The following MSRB3 variants were observed in gnomAD, a reference collection of about 807,000 sequenced individuals.
MSRB3 encodes methionine sulfoxide reductase B3.
In MSRB3, 13 loss-of-function variants were observed where a neutral mutation model predicts 21.0. The observed-to-expected ratio is 0.62, with a 90% CI of 0.40 to 0.98. MSRB3 has a LOEUF of 0.98. MSRB3 is among the 50% of genes least tolerant of loss of function. MSRB3 has a pLI of 0.00. For missense variants in MSRB3, 199 were observed against 230.3 expected (o/e 0.86, Z 0.88); for synonymous variants, 87 against 88.6 (o/e 0.98, Z 0.10).
chr12:65,381,003 A>G (rs1478756275), intron 5 of MSRB3, among the ~76,000 whole-genome samples: 1 of 152,172 alleles, frequency 6.6e-6, no homozygotes, highest in Non-Finnish European at 1.5e-5. Flanking sequence ...CCCTCCAAGT[A>G]GTTACTCGGA....
chr12:65,452,653 GC>G (rs1882906700), intron 5 of MSRB3, among the ~76,000 whole-genome samples: 1 of 152,122 alleles, frequency 6.6e-6, no homozygotes, highest in Non-Finnish European at 1.5e-5. Context: ...CTATACTCTT[GC>G]ATCGTGGAGG....
intron 5 of MSRB3, among the ~76,000 whole-genome samples, chr12:65,431,499 G>A (rs1565889211): frequency 6.6e-6 from 1 of 151,878 alleles, no homozygotes; most frequent in Non-Finnish European, 1.5e-5. Flanking sequence ...TCACTCGTTT[G>A]GTATAAAGGA....
chr12:65,346,659 C>A (rs1192969340), intron 4 of MSRB3, among the ~76,000 whole-genome samples: 1 of 152,058 alleles, frequency 6.6e-6, no homozygotes, highest in African/African-American at 2.4e-5. Flanking sequence ...AAGTCCTTGC[C>A]CATGCCTATG....
chr12:65,335,879 TA>T (rs751371844), intron 4 of MSRB3, among the ~76,000 whole-genome samples: 1 of 152,240 alleles, frequency 6.6e-6, no homozygotes, highest in Non-Finnish European at 1.5e-5. Flanking sequence ...ACTTGAATTT[TA>T]AAAGATTTGA....
intron 1 of MSRB3, among the ~76,000 whole-genome samples, chr12:65,290,002 CAT>C (rs1872585310): frequency 1.3e-5 from 2 of 151,938 alleles, no homozygotes; most frequent in Non-Finnish European, 2.9e-5. Context: ...ATTTATTATC[CAT>C]ATGTTTTTCT....
chr12:65,453,881 C>A, intron 6 of MSRB3, 56 bp downstream of exon 6: 4 of 1,402,890 alleles, frequency 2.9e-6, no homozygotes, highest in Non-Finnish European at 4.0e-6. Context: ...CCTGGTTGTG[C>A]TAAATATAGC....
intron 2 of MSRB3, among the ~76,000 whole-genome samples, chr12:65,311,663 C>T (rs1873994845): frequency 6.6e-6 from 1 of 152,058 alleles, no homozygotes. Context: ...AGTTTGAAGT[C>T]TTGCTTTAAT....
chr12:65,455,954 C>T (rs1883071255), intron 6 of MSRB3, among the ~76,000 whole-genome samples: 1 of 152,102 alleles, frequency 6.6e-6, no homozygotes, highest in Non-Finnish European at 1.5e-5. Context: ...CCCCACTGGT[C>T]TTGAACTCCC....
At position 65,463,197 on chromosome 12, in the gene MSRB3, C is replaced by G. The variant is rs552175724; in HGVS notation, c.433C>G (p.Pro145Ala). 3 of 1,614,076 alleles carry G rather than the reference C, an allele frequency of 1.9e-6. No individual in the cohort carries two copies. The change falls in exon 7 of 7, where the codon CCA (proline) becomes GCA (alanine). Residue 145 changes from proline (P) to alanine (A), a missense_variant. Transcript: ENST00000308259. Reference sequence around the variant, plus strand: ...GCACATTTTTGATGATGGGCCTCGTCCAACTGGGAAAAGATACTGCATAAA... The same window carrying G: ...GCACATTTTTGATGATGGGCCTCGTGCAACTGGGAAAAGATACTGCATAAA... The part of the protein sequence containing the change: ...LGHIFDDGPR[P>A]TGKRYCINSA...
At position 65,338,115 on chromosome 12, in the gene MSRB3, AG is replaced by A. The variant is rs529754207; in HGVS notation, c.263+9513del. 1.4e-4 allele frequency among the ~76,000 whole-genome samples: 21 copies of A among 152,344 alleles called. 1 individual carries two copies. In the East Asian group the frequency reaches 4.0e-3, roughly 29 times the overall value. ...CTGAAAATGATTCAAGTTGACACTA[AG>A]ATGGCGGAAATGTAAATAGATACTT... On this transcript the variant is annotated intron_variant, in intron 4 of 6. Coordinates refer to ENST00000308259, the MANE Select transcript of MSRB3 (RefSeq NM_001031679.3).
intron 4 of MSRB3, among the ~76,000 whole-genome samples, chr12:65,360,713 A>G (rs1449104581): frequency 2.5e-4 from 38 of 152,208 alleles, no homozygotes; most frequent in South Asian, 8.3e-4. Flanking sequence ...TCAGTAACTT[A>G]ATTTCACTAA....
chr12:65,372,632 TC>T (rs1878388878), intron 5 of MSRB3, among the ~76,000 whole-genome samples: 1 of 152,202 alleles, frequency 6.6e-6, no homozygotes, highest in Admixed American at 6.5e-5. Flanking sequence ...TCTCCCCACC[TC>T]CCAAGAAGGG....
chr12:65,442,968 T>G, intron 5 of MSRB3, among the ~76,000 whole-genome samples: 1 of 152,184 alleles, frequency 6.6e-6, no homozygotes, highest in Middle Eastern at 3.4e-3. Context: ...GTTGAAATGG[T>G]TTGAGTTCAG....
At chr12:65,383,628 A>G (rs1879055398) in intron 5 of MSRB3, among the ~76,000 whole-genome samples, 1 of 151,808 alleles carries the variant, frequency 6.6e-6, no homozygotes, top group Non-Finnish European at 1.5e-5. Context: ...AGGAAATCAC[A>G]TAAATGAACA....
At chr12:65,397,876 G>T (rs963794735) in intron 5 of MSRB3, among the ~76,000 whole-genome samples, 5 of 152,108 alleles carry the variant, frequency 3.3e-5, no homozygotes, top group African/African-American at 1.2e-4. Context: ...TTCTGTTCCT[G>T]TGTTAGTTTG....
At chr12:65,350,830 CAA>C (rs1433315135) in intron 4 of MSRB3, among the ~76,000 whole-genome samples, 1 of 144,252 alleles carries the variant, frequency 6.9e-6, no homozygotes, top group Admixed American at 6.9e-5. Flanking sequence ...GAGTGACCTA[CAA>C]AGAGACTTAG....
chr12:65,356,327 CG>C (rs1304509492), intron 4 of MSRB3, among the ~76,000 whole-genome samples: 1 of 151,616 alleles, frequency 6.6e-6, no homozygotes, highest in Non-Finnish European at 1.5e-5. Context: ...TTTTTTGCCT[CG>C]GGGCTGGGTC....
chr12:65,378,091 G>A (rs1878733308), intron 5 of MSRB3, among the ~76,000 whole-genome samples: 1 of 152,050 alleles, frequency 6.6e-6, no homozygotes, highest in Admixed American at 6.5e-5. Context: ...TATTATAGCA[G>A]CTAGTGTTAC....
At chr12:65,363,721 C>T (rs965012526) in intron 4 of MSRB3, among the ~76,000 whole-genome samples, 1 of 152,052 alleles carries the variant, frequency 6.6e-6, no homozygotes, top group Non-Finnish European at 1.5e-5. Context: ...CGTGGTGGCT[C>T]ACACCTGTAA....
Sources: allele counts gnomAD v4.1 joint callset (sites outside exome capture counted in the v4.1 genomes callset), GRCh38; gene constraint gnomAD v4.1.1; transcripts MANE v1.5; gene names NCBI Gene and HGNC (gene_info 2026-07-23, HGNC 2026-07-21).